Variants in KLF17 observed in about 807,000 individuals in gnomAD.
KLF17 encodes KLF transcription factor 17.
A neutral mutation model predicts 34.2 loss-of-function variants in KLF17; 31 were observed. The observed-to-expected ratio is 0.91, with a 90% confidence interval of 0.68 to 1.22. The LOEUF is 1.22. KLF17 is among the 50% of genes most tolerant of loss of function. The pLI is 0.00. For synonymous variants in KLF17, 179 were observed against 186.7 expected (o/e 0.96, Z 0.34); for missense variants, 478 against 505.2 (o/e 0.95, Z 0.52).
chr1:44,101,200 C>A, the KLF17 span, among the ~76,000 whole-genome samples: 4 of 152,084 alleles, frequency 2.6e-5, no homozygotes, highest in Non-Finnish European at 5.9e-5. Flanking sequence ...CTACCTATAT[C>A]TTTATCTCAA....
At chr1:44,102,040 G>A in the KLF17 span, among the ~76,000 whole-genome samples, 95 of 124,934 alleles carry the variant, frequency 7.6e-4, no homozygotes, top group African/African-American at 2.5e-3. Context: ...TTGAGACCCT[G>A]TCTCAAAAAC....
the KLF17 span, among the ~76,000 whole-genome samples, chr1:44,070,871 C>T: frequency 2.4e-4 from 36 of 152,142 alleles, 1 homozygote; most frequent in African/African-American, 8.7e-4. Flanking sequence ...AGTAAGTTAA[C>T]TGCAATTAAA....
the KLF17 span, among the ~76,000 whole-genome samples, chr1:44,076,991 T>C: frequency 6.9e-6 from 1 of 145,582 alleles, no homozygotes; most frequent in East Asian, 2.1e-4. Flanking sequence ...CTACTCAGCC[T>C]CCCAAAGTGC....
chr1:44,075,478 T>C, the KLF17 span, among the ~76,000 whole-genome samples: 3 of 152,202 alleles, frequency 2.0e-5, no homozygotes, highest in Admixed American at 1.3e-4. Flanking sequence ...AACCAGGTAT[T>C]CAAATATTAT....
the KLF17 span, among the ~76,000 whole-genome samples, chr1:44,047,339 A>G: frequency 8.5e-5 from 13 of 152,232 alleles, no homozygotes; most frequent in African/African-American, 2.9e-4. Flanking sequence ...TTTTGATCTG[A>G]TGACTTTGAG....
At chr1:44,123,915 CTTTT>C (rs199558253) in intron 1 of KLF17, among the ~76,000 whole-genome samples, 4 of 145,498 alleles carry the variant, frequency 2.7e-5, no homozygotes, top group African/African-American at 7.6e-5. Flanking sequence ...TGTATGATAC[CTTTT>C]TTTTTTTATT....
At chr1:44,116,154 A>T (rs141836700), upstream of KLF17, among the ~76,000 whole-genome samples, 205 of 152,292 alleles carry the variant, frequency 1.3e-3, 1 homozygote, top group African/African-American at 4.6e-3. Flanking sequence ...AGAGGCATCA[A>T]ATGGGAGTCA....
chr1:44,043,994 G>C, the KLF17 span: 1 of 152,820 alleles, frequency 6.5e-6, no homozygotes, highest in Non-Finnish European at 1.5e-5. Context: ...AAGACACTGG[G>C]CTCTGCCAGG....
At chr1:44,097,840 T>C in the KLF17 span, among the ~76,000 whole-genome samples, 2 of 152,240 alleles carry the variant, frequency 1.3e-5, no homozygotes, top group African/African-American at 4.8e-5. Flanking sequence ...TGTTGAATTT[T>C]ATTAAATGCT....
chr1:44,084,948 C>A, the KLF17 span, among the ~76,000 whole-genome samples: 7 of 150,248 alleles, frequency 4.7e-5, no homozygotes, highest in Non-Finnish European at 8.9e-5. Flanking sequence ...AAAAGAATTA[C>A]CAAGCCATAA....
intron 1 of KLF17, among the ~76,000 whole-genome samples, chr1:44,125,849 G>A (rs1571988159): frequency 6.6e-6 from 1 of 151,898 alleles, no homozygotes; most frequent in Non-Finnish European, 1.5e-5. Context: ...TTGGATATTT[G>A]TATTCATATC....
At chr1:44,071,709 A>G in the KLF17 span, among the ~76,000 whole-genome samples, 265 of 152,122 alleles carry the variant, frequency 1.7e-3, 2 homozygotes, top group African/African-American at 6.2e-3. Flanking sequence ...CCCAGTCTCT[A>G]CTTCCTCAAC....
the KLF17 span, chr1:44,103,800 C>A: frequency 2.3e-6 from 2 of 873,030 alleles, no homozygotes; most frequent in South Asian, 2.6e-5. Flanking sequence ...AGCCCTCTGG[C>A]CTTTGAGGCA....
intron 2 of KLF17, 63 bp from the exon 3 acceptor site, chr1:44,130,447 TCA>T: frequency 6.3e-7 from 1 of 1,599,504 alleles, no homozygotes; most frequent in Non-Finnish European, 8.6e-7. Context: ...CTGCTCTGCC[TCA>T]CAGAGTTAGA....
the KLF17 span, among the ~76,000 whole-genome samples, chr1:44,093,514 C>A: frequency 6.6e-6 from 1 of 152,160 alleles, no homozygotes; most frequent in Non-Finnish European, 1.5e-5. Flanking sequence ...CCTGCCTCAG[C>A]CTCCCGAGTA....
the KLF17 span, chr1:44,051,342 T>C: frequency 2.0e-5 from 3 of 152,244 alleles, no homozygotes; most frequent in African/African-American, 7.2e-5. Flanking sequence ...TACTGCCTCA[T>C]GTAGGATCCG....
chr1:44,120,497 C>A (rs565742291), intron 1 of KLF17, among the ~76,000 whole-genome samples: 1 of 152,120 alleles, frequency 6.6e-6, no homozygotes, highest in African/African-American at 2.4e-5. Context: ...GGCCAGTGGT[C>A]GTATAAGCTC....
At chr1:44,107,426 A>G in the KLF17 span, among the ~76,000 whole-genome samples, 1 of 152,204 alleles carries the variant, frequency 6.6e-6, no homozygotes, top group Non-Finnish European at 1.5e-5. Context: ...TTTAAATTAC[A>G]GTAGTCCCTC....
At chr1:44,058,905 G>A in the KLF17 span, among the ~76,000 whole-genome samples, 8 of 151,726 alleles carry the variant, frequency 5.3e-5, no homozygotes, top group South Asian at 1.3e-3. Flanking sequence ...ACAAAATATC[G>A]CTCCCTTCAA....
Sources: gnomAD v4.1 joint callset for allele counts (sites outside exome capture counted in the v4.1 genomes callset) on GRCh38, gnomAD v4.1.1 for gene constraint, MANE v1.5 for transcripts, NCBI Gene and HGNC (gene_info 2026-07-23, HGNC 2026-07-21) for gene names.